The following ERC1 variants were observed in gnomAD, a reference collection of about 807,000 sequenced individuals.
The protein encoded by ERC1 is ELKS/RAB6-interacting/CAST family member 1, also known as RAB6 interacting protein 2.
A neutral mutation model predicts 132.0 loss-of-function variants in ERC1; 56 were observed. That is an observed-to-expected ratio of 0.42 (90% CI 0.34 to 0.53). The LOEUF is 0.53. ERC1 is among the 20% of genes least tolerant of loss of function. The probability of loss-of-function intolerance (pLI) is 0.03; values close to 1 mark genes in which losing one functional copy is unlikely to be tolerated. For missense variants in ERC1, 1,202 were observed against 1,349.9 expected, an observed-to-expected ratio of 0.89 and a Z score of 1.72; for synonymous variants, 478 against 476.1, an observed-to-expected ratio of 1.00 and a Z score of -0.05.
intron 13 of ERC1, among the ~76,000 whole-genome samples, chr12:1,240,642 T>C (rs1421538943): frequency 1.3e-5 from 2 of 152,152 alleles, no homozygotes; most frequent in Non-Finnish European, 1.5e-5. Flanking sequence ...ATATCTTTGC[T>C]TGAATTTCAT....
At chr12:1,084,356 T>C (rs1942663013) in intron 3 of ERC1, among the ~76,000 whole-genome samples, 1 of 152,184 alleles carries the variant, frequency 6.6e-6, no homozygotes, top group South Asian at 2.1e-4. Context: ...TCTGAATAAT[T>C]CCTTTTTAAA....
Position 1,083,271 on chromosome 12 carries a change from A to T in ERC1, c.777A>T (p.Val259=). The part of the protein sequence containing the change: ...DSSSRTGEPC[V]AELTEENFQR... ...GCAGCAGGACTGGCGAACCTTGTGTAGCAGAGCTGACAGAGGAGAACTTTC... is the reference window on the plus strand; with the variant it reads ...GCAGCAGGACTGGCGAACCTTGTGTTGCAGAGCTGACAGAGGAGAACTTTC... The change falls in exon 3 of 19, where the codon GTA becomes GTT. Residue 259 remains valine (V), a synonymous_variant. Transcript: ENST00000360905. 6.2e-7 allele frequency: 1 copy of T among 1,614,206 alleles called. No homozygotes were observed. The highest frequency in any genetic ancestry group is 1.1e-5 in the South Asian group (1 of 91,086).
At chr12:1,484,512 A>G (rs997978640) in intron 18 of ERC1, among the ~76,000 whole-genome samples, 2 of 149,928 alleles carry the variant, frequency 1.3e-5, no homozygotes, top group African/African-American at 2.5e-5. Context: ...TGCTGTTCCC[A>G]CTTCCCATGC....
intron 7 of ERC1, among the ~76,000 whole-genome samples, chr12:1,121,727 C>G (rs569223761): frequency 5.8e-3 from 36 of 6,166 alleles, no homozygotes; most frequent in Non-Finnish European, 0.011. Context: ...ATCTCTATCT[C>G]TATCTCTATC....
chr12:1,315,377 G>A (rs1311497884), intron 15 of ERC1, among the ~76,000 whole-genome samples: 1 of 150,586 alleles, frequency 6.6e-6, no homozygotes, highest in Non-Finnish European at 1.5e-5. Flanking sequence ...TTGAGATGAA[G>A]CCTTGCTCTG....
intron 16 of ERC1, among the ~76,000 whole-genome samples, chr12:1,383,234 C>G (rs1164071902): frequency 6.6e-6 from 1 of 152,168 alleles, no homozygotes; most frequent in Non-Finnish European, 1.5e-5. Flanking sequence ...TGGTGCCCTC[C>G]TCTCCCTGTT....
intron 1 of ERC1, among the ~76,000 whole-genome samples, chr12:1,010,591 A>C (rs1224725384): frequency 2.8e-5 from 4 of 144,490 alleles, no homozygotes; most frequent in Admixed American, 6.9e-5. Context: ...TCTCACTGCA[A>C]CCTCCACCTC....
At chr12:1,041,796 T>G (rs553594448) in intron 2 of ERC1, among the ~76,000 whole-genome samples, 22 of 152,300 alleles carry the variant, frequency 1.4e-4, no homozygotes, top group African/African-American at 5.3e-4. Flanking sequence ...ACTTTGTTGA[T>G]TTGTTGTTGA....
At chr12:1,301,171 C>T (rs1413591130) in intron 15 of ERC1, among the ~76,000 whole-genome samples, 4 of 149,360 alleles carry the variant, frequency 2.7e-5, no homozygotes, top group South Asian at 4.2e-4. Context: ...GTGATATAAT[C>T]GACTTTAGAG....
intron 15 of ERC1, among the ~76,000 whole-genome samples, chr12:1,346,314 C>T (rs1033197716): frequency 6.6e-6 from 1 of 152,054 alleles, no homozygotes; most frequent in African/African-American, 2.4e-5. Flanking sequence ...ATGAGGTTGC[C>T]ATAGTTAAAT....
At chr12:1,374,761 C>T (rs1039283018) in intron 16 of ERC1, among the ~76,000 whole-genome samples, 3 of 151,084 alleles carry the variant, frequency 2.0e-5, no homozygotes, top group African/African-American at 7.3e-5. Context: ...AAATCTGGCT[C>T]TGCCCCTGTG....
At chr12:1,436,668 C>T (rs1470649429) in intron 17 of ERC1, among the ~76,000 whole-genome samples, 1 of 151,768 alleles carries the variant, frequency 6.6e-6, no homozygotes, top group East Asian at 1.9e-4. Flanking sequence ...AGTTACAGCA[C>T]GTGAGGCACC....
At chr12:1,027,345 T>A (rs1967063529) in intron 1 of ERC1, 1 of 152,324 alleles carries the variant, frequency 6.6e-6, no homozygotes, top group Non-Finnish European at 1.5e-5. Context: ...GAGTTTAATC[T>A]TTTCCTTGTC....
chr12:1,198,665 C>T (rs939517131), intron 12 of ERC1, among the ~76,000 whole-genome samples: 1 of 152,156 alleles, frequency 6.6e-6, no homozygotes, highest in Non-Finnish European at 1.5e-5. Context: ...TTTTAATTGG[C>T]TCATGTTTCT....
intron 15 of ERC1, among the ~76,000 whole-genome samples, chr12:1,352,610 A>AC (rs1197722390): frequency 7.3e-5 from 11 of 149,762 alleles, no homozygotes; most frequent in South Asian, 2.1e-4. Context: ...CTGTCAGTAA[A>AC]CCCCCCACAC....
intron 15 of ERC1, among the ~76,000 whole-genome samples, chr12:1,301,188 AG>A (rs2080368649): frequency 7.3e-6 from 1 of 137,548 alleles, no homozygotes; most frequent in African/African-American, 2.7e-5. Context: ...AGAGACTCCG[AG>A]GGGGTGGGGG....
intron 18 of ERC1, among the ~76,000 whole-genome samples, chr12:1,445,686 T>C (rs2093286439): frequency 6.6e-6 from 1 of 152,182 alleles, no homozygotes. Context: ...GGAATTACCT[T>C]TTGAAGGAAG....
At chr12:1,080,379 T>G (rs1942016078) in intron 2 of ERC1, among the ~76,000 whole-genome samples, 1 of 152,204 alleles carries the variant, frequency 6.6e-6, no homozygotes, top group Admixed American at 6.5e-5. Context: ...CATATAGTGT[T>G]TGTCTTTTTG....
chr12:1,112,597 T>G (rs1270763769), intron 6 of ERC1, among the ~76,000 whole-genome samples: 1 of 152,244 alleles, frequency 6.6e-6, no homozygotes, highest in Non-Finnish European at 1.5e-5. Flanking sequence ...CAACCCTTTA[T>G]TGTTGGTTTA....
Sources: allele counts gnomAD v4.1 joint callset (sites outside exome capture counted in the v4.1 genomes callset), GRCh38; gene constraint gnomAD v4.1.1; transcripts MANE v1.5; gene names NCBI Gene and HGNC (gene_info 2026-07-23, HGNC 2026-07-21).